The following PRKD1 variants were observed in gnomAD, a reference collection of about 807,000 sequenced individuals.
PRKD1 encodes the protein protein kinase D1.
In PRKD1, 63 loss-of-function variants were observed where a neutral mutation model predicts 95.9. That is an observed-to-expected ratio of 0.66 (90% CI 0.54 to 0.81). PRKD1 has a LOEUF of 0.81. PRKD1 is among the 30% of genes least tolerant of loss of function. The probability of loss-of-function intolerance (pLI) is 0.00; values close to 1 mark genes in which losing one functional copy is unlikely to be tolerated. For missense variants in PRKD1, 1,048 were observed against 1,165.3 expected (o/e 0.90, Z 1.47); for synonymous variants, 425 against 423.1 (o/e 1.00, Z -0.05).
At chr14:29,681,406 T>A (rs1039044433) in intron 2 of PRKD1, among the ~76,000 whole-genome samples, 1 of 151,388 alleles carries the variant, frequency 6.6e-6, no homozygotes, top group Non-Finnish European at 1.5e-5. Flanking sequence ...ATAGGAGAAG[T>A]TAGATTACTG....
At chr14:29,690,109 C>T (rs528824544) in intron 2 of PRKD1, among the ~76,000 whole-genome samples, 1 of 151,986 alleles carries the variant, frequency 6.6e-6, no homozygotes, top group African/African-American at 2.4e-5. Flanking sequence ...GCACATGTAT[C>T]CCGGAACTTA....
chr14:29,774,631 G>A (rs1190767227), intron 1 of PRKD1, among the ~76,000 whole-genome samples: 3 of 152,204 alleles, frequency 2.0e-5, no homozygotes, highest in Non-Finnish European at 4.4e-5. Context: ...GACACAAGTA[G>A]TTGACATTAT....
chr14:29,826,471 C>T (rs200692657), intron 1 of PRKD1, among the ~76,000 whole-genome samples: 27 of 100,010 alleles, frequency 2.7e-4, no homozygotes, highest in African/African-American at 1.0e-3. Flanking sequence ...AATATATATA[C>T]ATATATATGA....
intron 13 of PRKD1, among the ~76,000 whole-genome samples, chr14:29,621,019 G>T (rs1483835196): frequency 6.6e-6 from 1 of 151,844 alleles, no homozygotes; most frequent in Non-Finnish European, 1.5e-5. Context: ...CCATAAAAAT[G>T]ATGAGTTCAT....
chr14:29,860,708 G>A (rs576175181), intron 1 of PRKD1, among the ~76,000 whole-genome samples: 115 of 152,264 alleles, frequency 7.6e-4, no homozygotes, highest in African/African-American at 2.5e-3. Flanking sequence ...ATTTAAACAT[G>A]TACAATTTAG....
chr14:29,711,133 A>ATAGATGAAT (rs2139355852), intron 2 of PRKD1, among the ~76,000 whole-genome samples: 1 of 152,268 alleles, frequency 6.6e-6, no homozygotes, highest in East Asian at 1.9e-4. Flanking sequence ...ATTTGACTCA[A>ATAGATGAAT]CAGATAAACA....
intron 4 of PRKD1, among the ~76,000 whole-genome samples, chr14:29,658,735 C>G (rs1326519164): frequency 6.6e-6 from 1 of 152,186 alleles, no homozygotes; most frequent in African/African-American, 2.4e-5. Flanking sequence ...GATGAAACTA[C>G]TGCAGGTGAC....
intron 4 of PRKD1, among the ~76,000 whole-genome samples, chr14:29,650,855 A>G (rs887851111): frequency 1.3e-5 from 2 of 152,228 alleles, no homozygotes; most frequent in Non-Finnish European, 2.9e-5. Flanking sequence ...GAGACCTTAC[A>G]ATATATGTGG....
chr14:29,892,577 A>T (rs372217789), intron 1 of PRKD1, among the ~76,000 whole-genome samples: 1 of 152,168 alleles, frequency 6.6e-6, no homozygotes, highest in Admixed American at 6.6e-5. Context: ...ATGCTACAAG[A>T]TCTAGCCTCC....
At chr14:29,660,482 A>G (rs991760701) in intron 4 of PRKD1, among the ~76,000 whole-genome samples, 10 of 152,062 alleles carry the variant, frequency 6.6e-5, no homozygotes, top group Non-Finnish European at 1.5e-4. Context: ...CTCAAATCCA[A>G]TTGCCTTGGT....
At chr14:29,711,476 C>T (rs751381202) in intron 2 of PRKD1, among the ~76,000 whole-genome samples, 1 of 152,090 alleles carries the variant, frequency 6.6e-6, no homozygotes, top group Non-Finnish European at 1.5e-5. Flanking sequence ...GGTTTCTTTT[C>T]CTTCATTGGT....
chr14:29,876,326 C>T (rs1038046705), intron 1 of PRKD1, among the ~76,000 whole-genome samples: 1 of 152,050 alleles, frequency 6.6e-6, no homozygotes, highest in Non-Finnish European at 1.5e-5. Context: ...TCATTGCCAA[C>T]CAGGGATCAA....
intron 10 of PRKD1, among the ~76,000 whole-genome samples, chr14:29,629,837 C>T (rs910768806): frequency 1.3e-5 from 2 of 152,036 alleles, no homozygotes; most frequent in Non-Finnish European, 2.9e-5. Context: ...ATACCCTGCA[C>T]AGAATACTAG....
chr14:29,617,649 C>A (rs1300550668), intron 13 of PRKD1, among the ~76,000 whole-genome samples: 1 of 151,978 alleles, frequency 6.6e-6, no homozygotes, highest in African/African-American at 2.4e-5. Flanking sequence ...TTTTCTTAAC[C>A]TTTATATGCA....
intron 1 of PRKD1, among the ~76,000 whole-genome samples, chr14:29,839,432 C>T (rs1310295987): frequency 2.0e-5 from 3 of 152,162 alleles, no homozygotes; most frequent in African/African-American, 7.2e-5. Flanking sequence ...GTGGATCTGT[C>T]AAAGCAAAAG....
At chr14:29,704,426 A>T (rs893025300) in intron 2 of PRKD1, among the ~76,000 whole-genome samples, 1 of 152,164 alleles carries the variant, frequency 6.6e-6, no homozygotes, top group Non-Finnish European at 1.5e-5. Context: ...CCAAAGTAAA[A>T]CACTAATTTA....
chr14:29,711,356 A>C (rs1156295606), intron 2 of PRKD1, among the ~76,000 whole-genome samples: 2 of 152,142 alleles, frequency 1.3e-5, no homozygotes, highest in African/African-American at 4.8e-5. Flanking sequence ...ACTACACTGC[A>C]TTATTTGGTA....
rs1891182781 is a variant in PRKD1 at position 29,826,790 on chromosome 14, C to CACACATATATAT, written c.264+100458_264+100459insATATATATGTGT. ...ATATACACATATATATACATATATACACATATATATACACATATATATACA... is the reference window on the plus strand; with the variant it reads ...ATATACACATATATATACATATATACACACATATATATACATATATATACACATATATATACA... On this transcript the variant is annotated intron_variant, in intron 1 of 17. Transcript: ENST00000331968. Among the ~76,000 whole-genome samples, 13 of 25,074 alleles carry CACACATATATAT rather than the reference C, an allele frequency of 5.2e-4. 1 individual carries two copies. Among genetic ancestry groups the CACACATATATAT allele is most frequent in the East Asian group, 1.4e-3 (1 of 714 alleles). 16.4% of individuals were successfully genotyped at this position (25,074 alleles called of 152,430 possible). A position where few individuals can be genotyped will look rare whatever the true frequency, so the allele number is the denominator to read the frequency against.
intron 1 of PRKD1, among the ~76,000 whole-genome samples, chr14:29,807,133 C>T (rs1594536209): frequency 6.6e-6 from 1 of 152,166 alleles, no homozygotes; most frequent in Non-Finnish European, 1.5e-5. Flanking sequence ...AACTGTTCCA[C>T]CTCAGATCAT....
Sources: gnomAD v4.1 joint callset for allele counts (sites outside exome capture counted in the v4.1 genomes callset) on GRCh38, gnomAD v4.1.1 for gene constraint, MANE v1.5 for transcripts, NCBI Gene and HGNC (gene_info 2026-07-23, HGNC 2026-07-21) for gene names.